ASH1L: variants seen among roughly 807,000 people sequenced by gnomAD.
The protein encoded by ASH1L is histone-lysine N-methyltransferase ASH1L.
Under a neutral mutation model 269.0 loss-of-function variants are expected in ASH1L, and 23 were observed. That is an observed-to-expected ratio of 0.09 (90% CI 0.06 to 0.12). The LOEUF (loss-of-function observed/expected upper bound fraction) is 0.12. Ranked by LOEUF, ASH1L falls within the 10% of genes least tolerant of loss-of-function variation. The pLI, the probability that ASH1L is intolerant of heterozygous loss-of-function variation, is 1.00. For missense variants in ASH1L, 2,912 were observed against 3,567.8 expected (o/e 0.82, Z 4.68); for synonymous variants, 1,187 against 1,253.5 (o/e 0.95, Z 1.12).
chr1:155,495,916 T>C (rs898970807), intron 2 of ASH1L, among the ~76,000 whole-genome samples: 3 of 152,230 alleles, frequency 2.0e-5, no homozygotes, highest in Admixed American at 2.0e-4. Flanking sequence ...GAGAATTACT[T>C]GAACCCAGGA....
intron 5 of ASH1L, chr1:155,434,300 G>A: frequency 1.9e-6 from 3 of 1,570,980 alleles, no homozygotes; most frequent in Non-Finnish European, 2.6e-6. Context: ...CAGGGGGAGG[G>A]GAGGAGCTAG....
chr1:155,356,320 A>AT (rs1455255587), intron 15 of ASH1L, among the ~76,000 whole-genome samples: 1 of 152,138 alleles, frequency 6.6e-6, no homozygotes, highest in Non-Finnish European at 1.5e-5. Flanking sequence ...CTGAACAATT[A>AT]TTTTTAAATT....
At position 155,479,788 on chromosome 1, in the gene ASH1L, T is replaced by C; in HGVS notation, c.3082A>G (p.Thr1028Ala). ...TGTTGGCCCAATTTAGAGCCAAATG[T>C]GGCAGCAAGACTTGATACCGTATTA... ...LHNTVSSLAA[T>A]FGSKLGQQIN... Residue 1028 changes from threonine (T) to alanine (A), a missense_variant, in exon 3 of 28, where the codon ACA becomes GCA. Thr to Ala is a moderately conservative substitution (Grantham distance 58). Transcript: ENST00000392403. 1.2e-6 allele frequency: 2 copies of C among 1,614,226 alleles called. No individual in the cohort carries two copies. The highest frequency in any genetic ancestry group is 1.7e-6 in the Non-Finnish European group (2 of 1,180,014).
intron 17 of ASH1L, 74 bp from the exon 18 acceptor site, chr1:155,349,670 T>C: frequency 2.5e-6 from 3 of 1,219,394 alleles, no homozygotes; most frequent in Non-Finnish European, 3.5e-6. Flanking sequence ...ACTGGAAGAA[T>C]AGAATCCCTC....
intron 3 of ASH1L, among the ~76,000 whole-genome samples, chr1:155,469,903 T>G (rs777075522): frequency 1.3e-5 from 2 of 152,222 alleles, no homozygotes; most frequent in Non-Finnish European, 2.9e-5. Flanking sequence ...TCTATACTCT[T>G]GGGAGTCTCA....
Position 155,371,371 on chromosome 1 carries a change from A to T in ASH1L, c.6333-388T>A, listed in dbSNP as rs187366854. Among the ~76,000 whole-genome samples the T allele has an allele frequency of 5.6e-4, 85 of 152,150 alleles. 1 individual carries two copies. The East Asian group carries it at 8.5e-3, about 15-fold the overall frequency. On this transcript the variant is annotated intron_variant, in intron 10 of 27. Transcript: ENST00000392403. ...AAGACTAGCCTGGCCAACATGGTGA[A>T]ACCCTGTCTCTACTAAAAATACAAA...
intron 21 of ASH1L, chr1:155,346,014 A>T: frequency 6.9e-6 from 3 of 436,526 alleles, no homozygotes; most frequent in Non-Finnish European, 8.0e-6. Context: ...TTTGTATTTT[A>T]GTAGAGATGG....
At chr1:155,362,706 A>G (rs1376287636) in intron 12 of ASH1L, among the ~76,000 whole-genome samples, 1 of 151,756 alleles carries the variant, frequency 6.6e-6, no homozygotes, top group Non-Finnish European at 1.5e-5. Flanking sequence ...TATAGAAAAA[A>G]CCCCAATCCT....
chr1:155,464,214 T>A (rs1484307091), intron 3 of ASH1L, among the ~76,000 whole-genome samples: 1 of 152,076 alleles, frequency 6.6e-6, no homozygotes, highest in Non-Finnish European at 1.5e-5. Context: ...GGCTCCCCAT[T>A]CCACAAAGGA....
chr1:155,409,877 C>T (rs1057075310), intron 6 of ASH1L, among the ~76,000 whole-genome samples: 4 of 151,952 alleles, frequency 2.6e-5, no homozygotes, highest in South Asian at 2.1e-4. Flanking sequence ...AAAAAATGGT[C>T]GATCTTGGCC....
chr1:155,347,299 C>T (rs1210075906), intron 20 of ASH1L, among the ~76,000 whole-genome samples: 10 of 152,188 alleles, frequency 6.6e-5, no homozygotes, highest in Admixed American at 5.2e-4. Context: ...CCCAGCTACT[C>T]GAGAGGCTGA....
intron 4 of ASH1L, among the ~76,000 whole-genome samples, chr1:155,455,743 A>C (rs1663819646): frequency 6.6e-6 from 1 of 152,236 alleles, no homozygotes; most frequent in Admixed American, 6.5e-5. Context: ...TGGCTCTGCA[A>C]TGCAACTGGG....
chr1:155,444,525 T>G (rs1158906905), intron 4 of ASH1L, among the ~76,000 whole-genome samples: 1 of 152,248 alleles, frequency 6.6e-6, no homozygotes, highest in African/African-American at 2.4e-5. Context: ...ATGCATTCTT[T>G]TGAGAAAATT....
rs774849994 is a variant in ASH1L at position 155,438,785 on chromosome 1, A to G, written c.5370T>C (p.Cys1790=). 3.1e-6 allele frequency: 5 copies of G among 1,613,024 alleles called. No homozygotes were observed. The South Asian group carries it at 5.5e-5, about 18-fold the overall frequency. Residue 1790 remains cysteine, a synonymous_variant, in exon 5 of 28, where the codon TGT becomes TGC. Transcript: ENST00000392403. ...CACTTCTCTTGATATGATGGGGGGA[A>G]CAGCTGCTTGTCAACTTTTCAGATA... ...SLLSEKLTSS[C]SPHHIKRSVV... is the part of the protein sequence containing the mutation.
At chr1:155,455,696 T>C (rs1042062872) in intron 4 of ASH1L, among the ~76,000 whole-genome samples, 2 of 152,190 alleles carry the variant, frequency 1.3e-5, no homozygotes, top group African/African-American at 4.8e-5. Flanking sequence ...AAAGCTCAGG[T>C]TTATATTTAA....
In ASH1L at chr1:155,477,921, A is replaced by G. The variant is rs748938694; in HGVS notation, c.4949T>C (p.Leu1650Pro). ...SLNRLHRKES[L>P]PSNERAVQTL... Reference sequence around the variant, plus strand: ...CTGTACTGCCCTTTCGTTAGAAGGCAGTGACTCCTTTCTGTGAAGCCGATT... The same window carrying G: ...CTGTACTGCCCTTTCGTTAGAAGGCGGTGACTCCTTTCTGTGAAGCCGATT... The change falls in exon 3 of 28, where the codon CTG (leucine) becomes CCG (proline). Residue 1650 changes from leucine to proline, a missense_variant. Transcript: ENST00000392403. 6.2e-7 allele frequency: 1 copy of G among 1,613,658 alleles called. No individual in the cohort carries two copies. Among genetic ancestry groups the G allele is most frequent in the Non-Finnish European group, 8.5e-7 (1 of 1,179,522 alleles).
intron 2 of ASH1L, among the ~76,000 whole-genome samples, chr1:155,502,080 T>C (rs566338228): frequency 4.7e-5 from 7 of 149,288 alleles, no homozygotes; most frequent in Non-Finnish European, 7.5e-5. Context: ...TCTTTTTTTT[T>C]TTTTTTTTGA....
intron 12 of ASH1L, among the ~76,000 whole-genome samples, chr1:155,366,607 A>C (rs1655438092): frequency 6.6e-6 from 1 of 152,214 alleles, no homozygotes; most frequent in Admixed American, 6.5e-5. Context: ...GAGGTCCTAC[A>C]AACTTTCATA....
chr1:155,404,708 A>C (rs1044062547), intron 6 of ASH1L, among the ~76,000 whole-genome samples: 2 of 152,160 alleles, frequency 1.3e-5, no homozygotes, highest in African/African-American at 4.8e-5. Context: ...TATACATAGC[A>C]ATAAACAATC....
Sources: allele counts gnomAD v4.1 joint callset (sites outside exome capture counted in the v4.1 genomes callset), GRCh38; gene constraint gnomAD v4.1.1; transcripts MANE v1.5; gene names NCBI Gene and HGNC (gene_info 2026-07-23, HGNC 2026-07-21).